Variants in PDZD2 observed in about 807,000 individuals in gnomAD.
PDZD2 encodes the protein PDZ domain containing 2, also known as PDZ domain-containing protein 2.
In PDZD2, 90 loss-of-function variants were observed where a neutral mutation model predicts 220.7. That is an observed-to-expected ratio of 0.41 (90% CI 0.34 to 0.49). The LOEUF is 0.49. Among genes scored for constraint, PDZD2 ranks in the 20% least tolerant of loss-of-function variants. PDZD2 has a pLI of 0.28. For synonymous variants in PDZD2, 1,375 were observed against 1,450.5 expected (o/e 0.95, Z 1.18); for missense variants, 3,174 against 3,608.5 (o/e 0.88, Z 3.08).
chr5:32,060,197 C>T (rs1164621040), intron 13 of PDZD2, among the ~76,000 whole-genome samples: 1 of 152,088 alleles, frequency 6.6e-6, no homozygotes, highest in Non-Finnish European at 1.5e-5. Context: ...TTTAGCAAAT[C>T]ATCCAAAGTA....
intron 1 of PDZD2, among the ~76,000 whole-genome samples, chr5:31,692,635 C>G (rs1348992592): frequency 6.6e-6 from 1 of 152,254 alleles, no homozygotes; most frequent in Admixed American, 6.5e-5. Flanking sequence ...GGCCCTTGGA[C>G]CAGCTCACGG....
chr5:31,737,305 T>A (rs1024974264), intron 1 of PDZD2, among the ~76,000 whole-genome samples: 25 of 151,416 alleles, frequency 1.7e-4, no homozygotes, highest in Middle Eastern at 3.4e-3. Context: ...CCTGAGTAGC[T>A]GGGACTACAG....
chr5:31,716,069 A>G (rs759428442), intron 1 of PDZD2, among the ~76,000 whole-genome samples: 2 of 152,172 alleles, frequency 1.3e-5, no homozygotes, highest in Non-Finnish European at 2.9e-5. Flanking sequence ...GGGACTGCCT[A>G]TATGTGAATT....
At chr5:32,032,037 A>G (rs992376720) in intron 6 of PDZD2, among the ~76,000 whole-genome samples, 68 of 152,276 alleles carry the variant, frequency 4.5e-4, no homozygotes, top group African/African-American at 1.5e-3. Context: ...AAATATGTAT[A>G]CTCTGAATAG....
At chr5:32,077,353 G>GGTTTAAGGT in intron 18 of PDZD2, 109 bp from the exon 19 acceptor site, 1 of 1,054,838 alleles carries the variant, frequency 9.5e-7, no homozygotes, top group South Asian at 1.4e-5. Flanking sequence ...CTAGTCCAGG[G>GGTTTAAGGT]CCCCTTTGCC....
chr5:31,701,150 T>C (rs1299014568), intron 1 of PDZD2, among the ~76,000 whole-genome samples: 1 of 152,140 alleles, frequency 6.6e-6, no homozygotes, highest in African/African-American at 2.4e-5. Context: ...ATTTGTTCCA[T>C]GGCTAAAATC....
chr5:31,906,168 C>T lies in PDZD2; in HGVS notation c.477-76987C>T, dbSNP rs145579819. Among the ~76,000 whole-genome samples the T allele has an allele frequency of 8.5e-4, 9 of 10,628 alleles. 2 individuals carry two copies. The highest frequency in any genetic ancestry group is 2.8e-3 in the Admixed American group (4 of 1,404). 7.0% of individuals were successfully genotyped at this position (10,628 alleles called of 152,430 possible). On this transcript the variant is annotated intron_variant, in intron 2 of 24. Transcript: ENST00000438447. ...TCCCGAGTAGCTGGGACTACAGGTGCGTGCCACCACACCTGGCCTGAAATT... is the reference window on the plus strand; with the variant it reads ...TCCCGAGTAGCTGGGACTACAGGTGTGTGCCACCACACCTGGCCTGAAATT...
At position 32,000,112 on chromosome 5, in the gene PDZD2, A is replaced by T. The variant is rs753479631; in HGVS notation, c.1122-27A>T. The T allele has an allele frequency of 8.7e-6, 14 of 1,612,360 alleles. No homozygotes were observed. Among genetic ancestry groups the T allele is most frequent in the Non-Finnish European group, 2.5e-6 (3 of 1,178,754 alleles). On this transcript the variant is annotated intron_variant, in intron 4 of 24. Coordinates refer to ENST00000438447, the MANE Select transcript of PDZD2 (RefSeq NM_178140.4). The surrounding 1 kb of genome is among the most constrained non-coding windows in gnomAD (Gnocchi z 4.5). ...CAGGCCCAGAATGTCTTGACAAGGG[A>T]TCTTTTTCCCATCTCCCTTTCCTCA...
At chr5:31,880,265 T>C (rs1352904889) in intron 2 of PDZD2, among the ~76,000 whole-genome samples, 1 of 152,156 alleles carries the variant, frequency 6.6e-6, no homozygotes, top group African/African-American at 2.4e-5. Context: ...GGACATTTTG[T>C]TTTATGCTTT....
chr5:31,999,264 GC>G (rs1377270776), intron 4 of PDZD2, among the ~76,000 whole-genome samples: 16 of 138,706 alleles, frequency 1.2e-4, no homozygotes, highest in Admixed American at 3.8e-4. Context: ...TTTGGGGGGG[GC>G]GGGTGGCGGG....
chr5:31,886,523 T>C (rs1040543305), intron 2 of PDZD2, among the ~76,000 whole-genome samples: 1 of 151,996 alleles, frequency 6.6e-6, no homozygotes, highest in African/African-American at 2.4e-5. Context: ...GAACTGTGGG[T>C]TGTCAGGAGA....
At chr5:31,777,447 C>T (rs1245381447) in intron 1 of PDZD2, among the ~76,000 whole-genome samples, 2 of 152,214 alleles carry the variant, frequency 1.3e-5, no homozygotes, top group East Asian at 1.9e-4. Flanking sequence ...ACGGGCGCCG[C>T]CCCCTGCTCC....
intron 7 of PDZD2, among the ~76,000 whole-genome samples, chr5:32,043,544 C>T (rs1264409446): frequency 6.6e-5 from 10 of 152,376 alleles, no homozygotes; most frequent in Middle Eastern, 6.8e-3. Flanking sequence ...TGGAAGAATG[C>T]ATATGGCACT....
intron 2 of PDZD2, among the ~76,000 whole-genome samples, chr5:31,896,012 G>A (rs938935782): frequency 3.9e-5 from 6 of 152,150 alleles, no homozygotes; most frequent in African/African-American, 7.2e-5. Context: ...CTTTGCCCAT[G>A]TGGAAGCTGC....
At chr5:32,022,343 G>A (rs1474623294) in intron 6 of PDZD2, among the ~76,000 whole-genome samples, 8 of 147,804 alleles carry the variant, frequency 5.4e-5, no homozygotes, top group East Asian at 2.0e-4. Context: ...GACTACAGGC[G>A]CACACCGCCA....
At chr5:31,807,552 G>A (rs1256853655) in intron 2 of PDZD2, among the ~76,000 whole-genome samples, 1 of 152,210 alleles carries the variant, frequency 6.6e-6, no homozygotes, top group African/African-American at 2.4e-5. Context: ...GAGTTTGAGG[G>A]AGAGAGAAGA....
intron 1 of PDZD2, among the ~76,000 whole-genome samples, chr5:31,781,043 A>G (rs1186938327): frequency 6.6e-6 from 1 of 152,120 alleles, no homozygotes; most frequent in Non-Finnish European, 1.5e-5. Context: ...TGTCACTTAC[A>G]CCACCGATCA....
intron 2 of PDZD2, among the ~76,000 whole-genome samples, chr5:31,802,791 G>A (rs1754470587): frequency 6.6e-6 from 1 of 151,896 alleles, no homozygotes; most frequent in African/African-American, 2.4e-5. Context: ...GTGGTGGCGG[G>A]TGCCTGTAGT....
intron 1 of PDZD2, among the ~76,000 whole-genome samples, chr5:31,660,632 G>C (rs1470170610): frequency 6.6e-6 from 1 of 152,104 alleles, no homozygotes; most frequent in Non-Finnish European, 1.5e-5. Context: ...ACAGCAGCAT[G>C]GGGGTAACTG....
Sources: gnomAD v4.1 joint callset for allele counts (sites outside exome capture counted in the v4.1 genomes callset) on GRCh38, gnomAD v4.1.1 for gene constraint, Gnocchi (gnomAD v3.1) non-coding constraint, MANE v1.5 for transcripts, NCBI Gene and HGNC (gene_info 2026-07-23, HGNC 2026-07-21) for gene names.